BLTP3A: variants seen among roughly 807,000 people sequenced by gnomAD.
BLTP3A encodes the protein ICBP90 binding protein 1.
chr6:34,857,870 C>G, the BLTP3A span: 2 of 1,614,032 alleles, frequency 1.2e-6, no homozygotes. Context: ...AGATTCAAGT[C>G]AGAAAGATGA....
the BLTP3A span, among the ~76,000 whole-genome samples, chr6:34,824,414 C>T: frequency 5.9e-5 from 9 of 151,270 alleles, no homozygotes; most frequent in East Asian, 2.0e-4. Flanking sequence ...AAAAATTAGC[C>T]GGGCGTGGTG....
At chr6:34,815,693 A>T in the BLTP3A span, among the ~76,000 whole-genome samples, 1 of 152,146 alleles carries the variant, frequency 6.6e-6, no homozygotes, top group Admixed American at 6.6e-5. Flanking sequence ...CCCAGGCTGT[A>T]GTGCAGTGGT....
At chr6:34,859,360 G>A in the BLTP3A span, 74 of 1,614,032 alleles carry the variant, frequency 4.6e-5, no homozygotes, top group Non-Finnish European at 2.5e-6. Flanking sequence ...GGAGACTGCT[G>A]TGAATGGACA....
chr6:34,858,836 G>A, the BLTP3A span: 99 of 1,614,142 alleles, frequency 6.1e-5, 1 homozygote, highest in Admixed American at 4.0e-4. Context: ...GCCCATGTCC[G>A]CGTGAGGCTT....
the BLTP3A span, chr6:34,875,762 G>C: frequency 6.6e-6 from 1 of 152,190 alleles, no homozygotes; most frequent in African/African-American, 2.4e-5. Flanking sequence ...GTAAAAATCA[G>C]CTTGCCTAAT....
the BLTP3A span, chr6:34,859,541 T>C: frequency 1.9e-5 from 31 of 1,613,930 alleles, no homozygotes; most frequent in Non-Finnish European, 2.4e-5. Context: ...ACCTCCACCA[T>C]GCACAAGATG....
the BLTP3A span, among the ~76,000 whole-genome samples, chr6:34,864,518 T>C: frequency 0.13 from 17,283 of 137,280 alleles, 1,218 homozygotes; most frequent in African/African-American, 0.19. Context: ...AGTGTGCTTA[T>C]AGTCTTTTTT....
At chr6:34,832,491 A>G in the BLTP3A span, among the ~76,000 whole-genome samples, 20 of 149,660 alleles carry the variant, frequency 1.3e-4, no homozygotes, top group South Asian at 6.3e-4. Flanking sequence ...GCTTGAGTGC[A>G]GTGGCGCAAT....
At chr6:34,858,032 C>A in the BLTP3A span, 1 of 1,557,726 alleles carries the variant, frequency 6.4e-7, no homozygotes, top group Non-Finnish European at 8.7e-7. Flanking sequence ...AATAGTTTCA[C>A]AGCCCAAAGG....
At chr6:34,856,778 A>G in the BLTP3A span, 2 of 1,607,300 alleles carry the variant, frequency 1.2e-6, no homozygotes, top group South Asian at 1.1e-5. Context: ...TTCCCACCTT[A>G]TTTTTATTTA....
the BLTP3A span, among the ~76,000 whole-genome samples, chr6:34,859,963 A>G: frequency 6.6e-6 from 1 of 152,218 alleles, no homozygotes; most frequent in South Asian, 2.1e-4. Context: ...AATGGCATAT[A>G]TATAATATTA....
At chr6:34,857,865 C>T in the BLTP3A span, 1 of 1,614,076 alleles carries the variant, frequency 6.2e-7, no homozygotes, top group Non-Finnish European at 8.5e-7. Context: ...CTGGAAGATT[C>T]AAGTCAGAAA....
At chr6:34,864,243 G>C in the BLTP3A span, 2 of 1,570,816 alleles carry the variant, frequency 1.3e-6, no homozygotes, top group Admixed American at 1.7e-5. Flanking sequence ...GTCCAGAAAG[G>C]GTTCTCTCTG....
chr6:34,874,300 G>GGGGAGATCACGAGTTC, the BLTP3A span: 1 of 152,236 alleles, frequency 6.6e-6, no homozygotes, highest in South Asian at 2.1e-4. Context: ...AGGCCGAGGC[G>GGGGAGATCACGAGTTC]GGGAGATCAC....
chr6:34,859,679 T>G, the BLTP3A span: 1 of 1,505,866 alleles, frequency 6.6e-7, no homozygotes, highest in Non-Finnish European at 9.0e-7. Context: ...AAGTACCATA[T>G]AGTCCAGGAG....
At chr6:34,843,519 G>T in the BLTP3A span, among the ~76,000 whole-genome samples, 3 of 152,028 alleles carry the variant, frequency 2.0e-5, no homozygotes, top group African/African-American at 7.2e-5. Flanking sequence ...TTTTCATGCA[G>T]GCATACGATA....
At chr6:34,809,950 T>A in the BLTP3A span, among the ~76,000 whole-genome samples, 2 of 152,206 alleles carry the variant, frequency 1.3e-5, no homozygotes, top group Non-Finnish European at 1.5e-5. Flanking sequence ...TTATATATTG[T>A]ATTCTTACAA....
chr6:34,850,471 C>T, the BLTP3A span, among the ~76,000 whole-genome samples: 1 of 152,194 alleles, frequency 6.6e-6, no homozygotes, highest in Non-Finnish European at 1.5e-5. Context: ...TCTACCTCCT[C>T]CTTAAGGCCA....
the BLTP3A span, among the ~76,000 whole-genome samples, chr6:34,808,853 A>G: frequency 3.9e-5 from 6 of 152,176 alleles, no homozygotes; most frequent in African/African-American, 1.2e-4. Context: ...TTAGGATTAC[A>G]GGTGTAAGCC....
Sources: allele counts gnomAD v4.1 joint callset (sites outside exome capture counted in the v4.1 genomes callset), GRCh38; gene constraint gnomAD v4.1.1; transcripts MANE v1.5; gene names NCBI Gene and HGNC (gene_info 2026-07-23, HGNC 2026-07-21).